ZMYM2: variants seen among roughly 807,000 people sequenced by gnomAD.
The protein encoded by ZMYM2 is zinc finger MYM-type protein 2.
A neutral mutation model predicts 162.8 loss-of-function variants in ZMYM2; 56 were observed. That is an observed-to-expected ratio of 0.34 (90% CI 0.28 to 0.43). The LOEUF (loss-of-function observed/expected upper bound fraction) is 0.43. ZMYM2 is among the 20% of genes least tolerant of loss of function. The pLI is 1.00. For synonymous variants in ZMYM2, 510 were observed against 541.6 expected, an observed-to-expected ratio of 0.94 and a Z score of 0.81; for missense variants, 1,275 against 1,621.8, an observed-to-expected ratio of 0.79 and a Z score of 3.67.
chr13:19,893,005 G>A, the ZMYM2 span, among the ~76,000 whole-genome samples: 1 of 151,738 alleles, frequency 6.6e-6, no homozygotes, highest in South Asian at 2.1e-4. Context: ...GAGCCACCAT[G>A]CCTGGCCGGG....
At chr13:19,961,989 C>G (rs542807955) in intron 2 of ZMYM2, among the ~76,000 whole-genome samples, 1 of 152,262 alleles carries the variant, frequency 6.6e-6, no homozygotes, top group African/African-American at 2.4e-5. Flanking sequence ...TGCATCCTTT[C>G]TAATATCTGT....
chr13:19,992,386 C>G (rs1446419927), intron 2 of ZMYM2, among the ~76,000 whole-genome samples: 1 of 152,008 alleles, frequency 6.6e-6, no homozygotes, highest in East Asian at 1.9e-4. Context: ...ATAGTGAGAC[C>G]TCGTCTCTAC....
the ZMYM2 span, among the ~76,000 whole-genome samples, chr13:19,915,985 G>C: frequency 6.6e-6 from 1 of 150,830 alleles, no homozygotes; most frequent in Non-Finnish European, 1.5e-5. Context: ...TCAGCCTCCC[G>C]AGTAGCTGGG....
intron 21 of ZMYM2, among the ~76,000 whole-genome samples, chr13:20,079,482 G>C (rs1051982068): frequency 2.6e-5 from 4 of 151,812 alleles, no homozygotes; most frequent in Middle Eastern, 3.4e-3. Context: ...CTCTGTTCCT[G>C]AAACCACACA....
the ZMYM2 span, among the ~76,000 whole-genome samples, chr13:19,912,312 T>C: frequency 1.4e-5 from 2 of 145,916 alleles, no homozygotes; most frequent in African/African-American, 5.1e-5. Context: ...TTTTTTTTTT[T>C]TTGCTTTTGT....
the ZMYM2 span, chr13:19,864,622 C>G: frequency 1.3e-5 from 2 of 153,226 alleles, no homozygotes; most frequent in Admixed American, 6.5e-5. Context: ...CGCCGCCGTC[C>G]TGTGCTAGCA....
At position 20,085,803 on chromosome 13, in the gene ZMYM2, T is replaced by C. The variant is rs1192277311; in HGVS notation, c.3942-19T>C. 5 of 1,567,946 alleles carry C rather than the reference T, an allele frequency of 3.2e-6. No homozygotes were observed. Among genetic ancestry groups the C allele is most frequent in the Non-Finnish European group, 4.3e-6 (5 of 1,160,932 alleles). ...TTTTGTGAAATTGACTTTTTCTCTT[T>C]TTCCTCCCGCCTCCAAAGTCCACAG... On this transcript the variant is annotated intron_variant, in intron 24 of 24. Coordinates refer to ENST00000610343, the MANE Select transcript of ZMYM2 (RefSeq NM_197968.4).
chr13:20,043,262 T>C (rs2140447414), intron 12 of ZMYM2, among the ~76,000 whole-genome samples: 1 of 152,316 alleles, frequency 6.6e-6, no homozygotes, highest in African/African-American at 2.4e-5. Flanking sequence ...CGCTGATCAC[T>C]ACACTTGATG....
At chr13:20,046,790 A>G (rs1215531158) in intron 12 of ZMYM2, among the ~76,000 whole-genome samples, 1 of 151,632 alleles carries the variant, frequency 6.6e-6, no homozygotes, top group Non-Finnish European at 1.5e-5. Context: ...AGACCATGTT[A>G]TTGTAGATGT....
At chr13:20,009,362 A>G (rs1159162478) in intron 6 of ZMYM2, among the ~76,000 whole-genome samples, 2 of 152,196 alleles carry the variant, frequency 1.3e-5, no homozygotes, top group Non-Finnish European at 2.9e-5. Flanking sequence ...ACAATTCCAG[A>G]GCATAAAAAG....
At chr13:19,889,192 C>T in the ZMYM2 span, among the ~76,000 whole-genome samples, 99 of 152,012 alleles carry the variant, frequency 6.5e-4, 3 homozygotes, top group African/African-American at 2.3e-3. Context: ...GAGATCTCTC[C>T]CAGCCTATTC....
the ZMYM2 span, among the ~76,000 whole-genome samples, chr13:19,865,616 G>A: frequency 2.0e-5 from 3 of 152,168 alleles, no homozygotes; most frequent in African/African-American, 7.2e-5. Flanking sequence ...AACTTTAAAT[G>A]GTAAGCTCAG....
intron 10 of ZMYM2, among the ~76,000 whole-genome samples, chr13:20,032,595 C>CTTT (rs1566350627): frequency 3.0e-4 from 29 of 96,364 alleles, no homozygotes; most frequent in Non-Finnish European, 4.1e-4. Flanking sequence ...GATTTTTTTT[C>CTTT]TGTCTTTTTT....
At chr13:19,956,925 T>C (rs1954551458), upstream of ZMYM2, among the ~76,000 whole-genome samples, 1 of 152,210 alleles carries the variant, frequency 6.6e-6, no homozygotes, top group African/African-American at 2.4e-5. Flanking sequence ...GATGTTTCTG[T>C]TGTGATGATA....
chr13:19,990,649 A>G (rs1949529865), intron 2 of ZMYM2, among the ~76,000 whole-genome samples: 1 of 152,204 alleles, frequency 6.6e-6, no homozygotes, highest in African/African-American at 2.4e-5. Flanking sequence ...GTACAGTGAA[A>G]AATGCCTCTA....
At chr13:19,874,015 A>G in the ZMYM2 span, among the ~76,000 whole-genome samples, 1 of 152,064 alleles carries the variant, frequency 6.6e-6, no homozygotes, top group East Asian at 1.9e-4. Flanking sequence ...CCATCTGTGA[A>G]TCTTGGTTTT....
chr13:19,892,039 T>C, the ZMYM2 span, among the ~76,000 whole-genome samples: 1 of 151,470 alleles, frequency 6.6e-6, no homozygotes, highest in Non-Finnish European at 1.5e-5. Context: ...CCTCCCAGGC[T>C]CAAGCATCCT....
intron 2 of ZMYM2, among the ~76,000 whole-genome samples, chr13:19,975,683 C>A (rs1463224313): frequency 6.6e-6 from 1 of 152,168 alleles, no homozygotes; most frequent in African/African-American, 2.4e-5. Flanking sequence ...GGGTTTATAT[C>A]TCACAATGAA....
rs58588019 is a variant in ZMYM2 at position 19,987,111 on chromosome 13, CAAAAAAA to C, written c.-10-5929_-10-5923del. 5.9e-3 allele frequency among the ~76,000 whole-genome samples: 240 copies of C among 40,942 alleles called. 3 individuals are homozygous for C. Among genetic ancestry groups the C allele is most frequent in the African/African-American group, 0.015 (229 of 14,914 alleles). 26.9% of individuals were successfully genotyped at this position (40,942 alleles called of 152,430 possible). A position where few individuals can be genotyped will look rare whatever the true frequency, so the allele number is the denominator to read the frequency against. The stretch of plus-strand genomic sequence containing the variant: ...TGGGCAAGAGAGCAAGGCTCCGTCT[CAAAAAAA>C]AAAAAAAAAAAAAAAAAAAAAATTT... On this transcript the variant is annotated intron_variant, in intron 2 of 24. Coordinates refer to ENST00000610343, the MANE Select transcript of ZMYM2 (RefSeq NM_197968.4).
Sources: allele counts gnomAD v4.1 joint callset (sites outside exome capture counted in the v4.1 genomes callset), GRCh38; gene constraint gnomAD v4.1.1; transcripts MANE v1.5; gene names NCBI Gene and HGNC (gene_info 2026-07-23, HGNC 2026-07-21).